CASP10: variants seen among roughly 807,000 people sequenced by gnomAD.
CASP10 encodes caspase-10.
A neutral mutation model predicts 48.5 loss-of-function variants in CASP10; 41 were observed. The ratio of observed to expected loss-of-function variants is 0.85; its 90% confidence interval spans 0.66 to 1.10. CASP10 has a LOEUF of 1.10. CASP10 is among the 50% of genes least tolerant of loss of function. The pLI, the probability that CASP10 is intolerant of heterozygous loss-of-function variation, is 0.00. For missense variants in CASP10, 614 were observed against 614.5 expected (o/e 1.00, Z 0.01); for synonymous variants, 232 against 238.4 (o/e 0.97, Z 0.25).
chr2:201,210,318 T>C (rs956466773), intron 9 of CASP10, among the ~76,000 whole-genome samples: 2 of 152,240 alleles, frequency 1.3e-5, no homozygotes, highest in Admixed American at 1.3e-4. Flanking sequence ...CACTCATCTC[T>C]GAATTCCTGG....
chr2:201,191,812 A>G (rs1199963670), intron 3 of CASP10, among the ~76,000 whole-genome samples: 1 of 152,192 alleles, frequency 6.6e-6, no homozygotes, highest in East Asian at 1.9e-4. Context: ...CACAACTGTC[A>G]GGAAATCCGT....
chr2:201,215,570 G>A (rs780295944), intron 9 of CASP10, among the ~76,000 whole-genome samples: 1 of 152,054 alleles, frequency 6.6e-6, no homozygotes, highest in Non-Finnish European at 1.5e-5. Context: ...CTGTAGGTGT[G>A]TGAATTTATT....
intron 3 of CASP10, among the ~76,000 whole-genome samples, chr2:201,192,376 G>A (rs1425496073): frequency 6.6e-6 from 1 of 150,784 alleles, no homozygotes; most frequent in Admixed American, 6.6e-5. Context: ...GGGAGACAGA[G>A]TGAGAGACTC....
chr2:201,197,740 T>C (rs767184756), intron 5 of CASP10, among the ~76,000 whole-genome samples: 2 of 152,260 alleles, frequency 1.3e-5, no homozygotes, highest in Admixed American at 6.5e-5. Flanking sequence ...TATTACATTT[T>C]GTTGTCCACT....
chr2:201,216,282 T>A (rs1360025261), intron 9 of CASP10, among the ~76,000 whole-genome samples: 1 of 152,020 alleles, frequency 6.6e-6, no homozygotes, highest in East Asian at 1.9e-4. Context: ...AGTGGGAGGA[T>A]TGCTTAAGCC....
chr2:201,217,765 G>T lies in CASP10; in HGVS notation c.*24G>T, dbSNP rs1217513876. 1 of 1,613,612 alleles carries T rather than the reference G, an allele frequency of 6.2e-7. No homozygotes were observed. Among genetic ancestry groups the T allele is most frequent in the Non-Finnish European group, 8.5e-7 (1 of 1,179,690 alleles). The stretch of plus-strand genomic sequence containing the variant: ...AGCAGAGAGTTTTTGTTGGTTCTTA[G>T]ACCTCAAACGAATCATTGGCTATAA... On this transcript the variant is annotated 3_prime_UTR_variant, in exon 10 of 10. Transcript: ENST00000286186.
rs1254002966 is a variant in CASP10, at chr2:201,221,553, TA to T, written c.*3813del. 2.6e-5 allele frequency: 4 copies of T among 152,634 alleles called. No individual in the cohort carries two copies. Among genetic ancestry groups the T allele is most frequent in the African/African-American group, 4.8e-5 (2 of 41,414 alleles). 9.5% of individuals were successfully genotyped at this position (152,634 alleles called of 1,614,324 possible). The stretch of plus-strand genomic sequence containing the variant: ...ACCCCCTTTGACTGTAATTTTCCAC[TA>T]CTTACCCAAATCCTATAAAACGGCC... On this transcript the variant is annotated 3_prime_UTR_variant, in exon 10 of 10. Coordinates refer to ENST00000286186, the MANE Select transcript of CASP10 (RefSeq NM_032977.4).
chr2:201,218,342 A>T lies in CASP10; in HGVS notation c.*601A>T, dbSNP rs1049396759. On this transcript the variant is annotated 3_prime_UTR_variant, in exon 10 of 10. Coordinates refer to ENST00000286186, the MANE Select transcript of CASP10 (RefSeq NM_032977.4). ...TTCTTTGAGACAGAGTCACTCCGTC[A>T]CCTGGGCTGGAGTGCAGTGGTGGGA... is the stretch of plus-strand genomic sequence containing the variant. 2 of 987,924 alleles carry T rather than the reference A, an allele frequency of 2.0e-6. No homozygotes were observed. The highest frequency in any genetic ancestry group is 3.5e-5 in the African/African-American group (2 of 56,740). The allele number at this position is 987,924 out of a possible 1,614,324, so 61.2% of individuals were successfully genotyped here.
At chr2:201,185,685 G>A in intron 1 of CASP10, 86 bp from the exon 2 acceptor site, 1 of 848,630 alleles carries the variant, frequency 1.2e-6, no homozygotes, top group Non-Finnish European at 2.1e-6. Flanking sequence ...AACGGAGAAG[G>A]TTGTGGTGAG....
chr2:201,206,925 C>A (rs941351853), intron 7 of CASP10, among the ~76,000 whole-genome samples: 6 of 152,104 alleles, frequency 3.9e-5, no homozygotes, highest in African/African-American at 1.4e-4. Context: ...TTTGCATAAA[C>A]CCTGGGTTTG....
chr2:201,188,633 A>C (rs187653250), intron 3 of CASP10, among the ~76,000 whole-genome samples: 10 of 152,170 alleles, frequency 6.6e-5, no homozygotes, highest in Non-Finnish European at 5.9e-5. Context: ...TGCTGATTGC[A>C]CACTCGTGGT....
chr2:201,210,640 C>G (rs1018520274), intron 9 of CASP10, among the ~76,000 whole-genome samples: 1 of 152,096 alleles, frequency 6.6e-6, no homozygotes, highest in Non-Finnish European at 1.5e-5. Flanking sequence ...CTTTACCAGC[C>G]CCTCCATTCT....
chr2:201,195,790 G>C (rs188421807), intron 4 of CASP10, 52 bp from the exon 5 acceptor site: 227 of 1,401,598 alleles, frequency 1.6e-4, no homozygotes, highest in Admixed American at 3.9e-4. Flanking sequence ...CAATTCTCCT[G>C]CTGCTAGTCA....
chr2:201,208,314 T>C, intron 8 of CASP10, 131 bp downstream of exon 8: 1 of 1,425,960 alleles, frequency 7.0e-7, no homozygotes, highest in South Asian at 1.5e-5. Flanking sequence ...TCTGAGCCTC[T>C]TATATATCCC....
chr2:201,216,861 G>A (rs1218510002), intron 9 of CASP10, among the ~76,000 whole-genome samples: 1 of 152,108 alleles, frequency 6.6e-6, no homozygotes, highest in Non-Finnish European at 1.5e-5. Flanking sequence ...CCAGTGATAT[G>A]TATTGCCTAC....
intron 9 of CASP10, chr2:201,212,800 A>G (rs1368270844): frequency 2.0e-5 from 3 of 152,238 alleles, no homozygotes; most frequent in South Asian, 4.1e-4. Context: ...TAATAGATCA[A>G]GTGATAAATA....
At chr2:201,198,195 C>T (rs1006273752) in intron 5 of CASP10, among the ~76,000 whole-genome samples, 8 of 150,658 alleles carry the variant, frequency 5.3e-5, no homozygotes, top group East Asian at 1.9e-4. Flanking sequence ...TTTTCTAATT[C>T]GGTTGTTTGT....
chr2:201,188,817 G>A (rs1471956154), intron 3 of CASP10, among the ~76,000 whole-genome samples: 5 of 150,740 alleles, frequency 3.3e-5, no homozygotes, highest in Admixed American at 1.3e-4. Flanking sequence ...AACTGTTGAT[G>A]TTCAACCATT....
At chr2:201,199,063 C>G (rs180760477) in intron 5 of CASP10, among the ~76,000 whole-genome samples, 1 of 152,280 alleles carries the variant, frequency 6.6e-6, no homozygotes, top group South Asian at 2.1e-4. Context: ...TTTACTCACA[C>G]TTGCTCTCTT....
Sources: gnomAD v4.1 joint callset for allele counts (sites outside exome capture counted in the v4.1 genomes callset) on GRCh38, gnomAD v4.1.1 for gene constraint, MANE v1.5 for transcripts, NCBI Gene and HGNC (gene_info 2026-07-23, HGNC 2026-07-21) for gene names.